DLGAP1: variants seen among roughly 807,000 people sequenced by gnomAD.
The protein encoded by DLGAP1 is disks large-associated protein 1.
A neutral mutation model predicts 90.8 loss-of-function variants in DLGAP1; 11 were observed. That is an observed-to-expected ratio of 0.12 (90% CI 0.08 to 0.20). The LOEUF (loss-of-function observed/expected upper bound fraction) is 0.20, where lower values mean the gene tolerates loss of function less well. Among genes scored for constraint, DLGAP1 ranks in the 10% least tolerant of loss-of-function variants. The pLI is 1.00. For missense variants in DLGAP1, 1,050 were observed against 1,333.8 expected, an observed-to-expected ratio of 0.79 and a Z score of 3.31; for synonymous variants, 558 against 540.7, an observed-to-expected ratio of 1.03 and a Z score of -0.44.
intron 7 of DLGAP1, among the ~76,000 whole-genome samples, chr18:3,717,966 T>C (rs1160253511): frequency 1.3e-5 from 2 of 152,190 alleles, no homozygotes; most frequent in Non-Finnish European, 2.9e-5. Context: ...GCATCCTATT[T>C]ATTTAACTAA....
intron 7 of DLGAP1, among the ~76,000 whole-genome samples, chr18:3,676,556 G>C (rs543234498): frequency 1.3e-5 from 2 of 152,164 alleles, no homozygotes; most frequent in African/African-American, 4.8e-5. Context: ...GTATAAGCTG[G>C]CTTCAAGGTC....
intron 4 of DLGAP1, among the ~76,000 whole-genome samples, chr18:3,834,888 C>A (rs185702151): frequency 6.6e-6 from 1 of 152,274 alleles, no homozygotes; most frequent in African/African-American, 2.4e-5. Context: ...TTTACATTAT[C>A]TCACCTTAAA....
intron 7 of DLGAP1, among the ~76,000 whole-genome samples, chr18:3,611,259 C>G (rs890841806): frequency 6.6e-6 from 1 of 152,248 alleles, no homozygotes; most frequent in Non-Finnish European, 1.5e-5. Flanking sequence ...ACCCAGCTTA[C>G]AGCAGCCTCA....
intron 1 of DLGAP1, among the ~76,000 whole-genome samples, chr18:4,290,583 T>C (rs575163028): frequency 2.0e-5 from 3 of 152,348 alleles, no homozygotes; most frequent in African/African-American, 7.2e-5. Flanking sequence ...AGTCATCTTT[T>C]AGAATTCATC....
At chr18:4,002,166 G>A (rs2074200255) in intron 3 of DLGAP1, among the ~76,000 whole-genome samples, 1 of 152,050 alleles carries the variant, frequency 6.6e-6, no homozygotes, top group Non-Finnish European at 1.5e-5. Flanking sequence ...ATGCCACCTT[G>A]CCACCACTTT....
chr18:3,949,275 T>C (rs922062191), intron 3 of DLGAP1, among the ~76,000 whole-genome samples: 1 of 152,188 alleles, frequency 6.6e-6, no homozygotes, highest in Non-Finnish European at 1.5e-5. Context: ...AATTAGATAG[T>C]AACTTGTTTG....
At chr18:4,227,793 T>G (rs977821584) in intron 1 of DLGAP1, among the ~76,000 whole-genome samples, 5 of 148,520 alleles carry the variant, frequency 3.4e-5, no homozygotes, top group African/African-American at 1.2e-4. Flanking sequence ...TCTTAAAGAA[T>G]CAGACAAGCA....
At position 3,892,903 on chromosome 18, in the gene DLGAP1, AAT is replaced by A. The variant is rs200027950; in HGVS notation, c.-72-12765_-72-12764del. ...ATATAAAGAATTATAAATATATATA[AAT>A]ATATATATTTATATATATAATTTTT... On this transcript the variant is annotated intron_variant, in intron 3 of 12. Transcript: ENST00000315677. 2.8e-4 allele frequency among the ~76,000 whole-genome samples: 41 copies of A among 147,568 alleles called. No individual in the cohort carries two copies. The East Asian group carries it at 3.5e-3, about 13-fold the overall frequency.
At chr18:4,196,865 A>G (rs1459632103) in intron 1 of DLGAP1, among the ~76,000 whole-genome samples, 4 of 152,168 alleles carry the variant, frequency 2.6e-5, no homozygotes, top group Non-Finnish European at 4.4e-5. Context: ...ATATTAAAAG[A>G]AAATTAGAAA....
intron 3 of DLGAP1, among the ~76,000 whole-genome samples, chr18:3,882,986 G>A (rs1178495196): frequency 6.6e-6 from 1 of 152,238 alleles, no homozygotes; most frequent in Non-Finnish European, 1.5e-5. Flanking sequence ...GCTCACGCCT[G>A]TAATCCTAGC....
At chr18:3,783,100 A>G (rs760486571) in intron 5 of DLGAP1, among the ~76,000 whole-genome samples, 11 of 152,232 alleles carry the variant, frequency 7.2e-5, no homozygotes, top group South Asian at 2.1e-4. Flanking sequence ...ACCACAGTGA[A>G]TTACTACTTC....
chr18:3,657,427 G>T (rs2059530239), intron 7 of DLGAP1, among the ~76,000 whole-genome samples: 1 of 152,096 alleles, frequency 6.6e-6, no homozygotes, highest in African/African-American at 2.4e-5. Context: ...AATGGTGTCT[G>T]GTCCAACGTT....
intron 2 of DLGAP1, among the ~76,000 whole-genome samples, chr18:4,107,261 C>T (rs563144702): frequency 2.0e-5 from 3 of 152,158 alleles, no homozygotes; most frequent in Non-Finnish European, 2.9e-5. Context: ...TTCAGCCTTT[C>T]TATAAGGCCT....
chr18:4,053,699 C>G (rs2075170611), intron 2 of DLGAP1, among the ~76,000 whole-genome samples: 1 of 152,166 alleles, frequency 6.6e-6, no homozygotes, highest in African/African-American at 2.4e-5. Flanking sequence ...GTTTCCTGTA[C>G]AGCCTGCAGA....
At chr18:4,339,939 T>G (rs1204768879) in intron 1 of DLGAP1, among the ~76,000 whole-genome samples, 1 of 152,172 alleles carries the variant, frequency 6.6e-6, no homozygotes, top group Non-Finnish European at 1.5e-5. Flanking sequence ...ATTTTAGACT[T>G]ATATATTTAA....
chr18:3,884,857 G>A (rs969602675), intron 3 of DLGAP1, among the ~76,000 whole-genome samples: 1 of 152,140 alleles, frequency 6.6e-6, no homozygotes, highest in Non-Finnish European at 1.5e-5. Flanking sequence ...TCTCTATGAT[G>A]TGGGAAAAGA....
chr18:3,971,729 T>C (rs1258542189), intron 3 of DLGAP1, among the ~76,000 whole-genome samples: 1 of 152,200 alleles, frequency 6.6e-6, no homozygotes, highest in African/African-American at 2.4e-5. Flanking sequence ...TGGCTGATGG[T>C]TTTGAAGAGT....
At chr18:3,626,978 C>T (rs373290967) in intron 7 of DLGAP1, among the ~76,000 whole-genome samples, 2 of 152,054 alleles carry the variant, frequency 1.3e-5, no homozygotes, top group African/African-American at 2.4e-5. Context: ...ACACAAAAAA[C>T]GCTGAATTGT....
In DLGAP1 at chr18:4,173,977, C is replaced by T. The variant is rs182228420; in HGVS notation, c.-266-22690G>A. On this transcript the variant is annotated intron_variant, in intron 1 of 12. Coordinates refer to ENST00000315677, the MANE Select transcript of DLGAP1 (RefSeq NM_004746.4). ...GTATCACTATTTACATAAGTTCCAC[C>T]TTCTGCACCCCTACCTGGCCTCCCT... Among the ~76,000 whole-genome samples the T allele has an allele frequency of 5.3e-4, 81 of 152,300 alleles. No individual in the cohort carries two copies. The East Asian group carries it at 5.8e-3, about 11-fold the overall frequency.
Sources: allele counts gnomAD v4.1 joint callset (sites outside exome capture counted in the v4.1 genomes callset), GRCh38; gene constraint gnomAD v4.1.1; transcripts MANE v1.5; gene names NCBI Gene and HGNC (gene_info 2026-07-23, HGNC 2026-07-21).